The following TENM3 variants were observed in gnomAD, a reference collection of about 807,000 sequenced individuals.
TENM3 encodes the protein teneurin transmembrane protein 3, also known as teneurin-3.
A neutral mutation model predicts 255.1 loss-of-function variants in TENM3; 63 were observed. The ratio of observed to expected loss-of-function variants is 0.25; its 90% CI spans 0.20 to 0.30. TENM3 has a LOEUF of 0.30. Among genes scored for constraint, TENM3 ranks in the 10% least tolerant of loss-of-function variants. TENM3 has a pLI of 1.00. For missense variants in TENM3, 2,929 were observed against 3,461.1 expected, an observed-to-expected ratio of 0.85 and a Z score of 3.86; for synonymous variants, 1,306 against 1,322.3, an observed-to-expected ratio of 0.99 and a Z score of 0.27.
chr4:182,701,814 G>T (rs1320236237), intron 12 of TENM3, among the ~76,000 whole-genome samples: 1 of 152,118 alleles, frequency 6.6e-6, no homozygotes, highest in Non-Finnish European at 1.5e-5. Context: ...AGCCAAGGGT[G>T]GCCTTCCTCC....
chr4:181,732,431 A>AT, the TENM3 span, among the ~76,000 whole-genome samples: 1 of 152,178 alleles, frequency 6.6e-6, no homozygotes, highest in Non-Finnish European at 1.5e-5. Flanking sequence ...CAATGCCATC[A>AT]TTTTTTAAAA....
intron 4 of TENM3, among the ~76,000 whole-genome samples, chr4:182,614,599 G>T (rs1749299036): frequency 6.6e-6 from 1 of 151,696 alleles, no homozygotes; most frequent in Non-Finnish European, 1.5e-5. Context: ...TTTAGTTATA[G>T]CTTTTTTGTC....
chr4:182,254,186 G>T (rs1758223271), intron 1 of TENM3, among the ~76,000 whole-genome samples: 1 of 152,178 alleles, frequency 6.6e-6, no homozygotes, highest in South Asian at 2.1e-4. Context: ...TACATGTGCA[G>T]TGTAAAACAA....
intron 2 of TENM3, among the ~76,000 whole-genome samples, chr4:182,341,025 A>G (rs1457526610): frequency 1.3e-5 from 2 of 152,222 alleles, no homozygotes; most frequent in Non-Finnish European, 2.9e-5. Flanking sequence ...TATGATGAAG[A>G]AAAAGGGAAG....
At chr4:181,746,919 C>T in the TENM3 span, among the ~76,000 whole-genome samples, 1 of 151,982 alleles carries the variant, frequency 6.6e-6, no homozygotes, top group Admixed American at 6.6e-5. Context: ...TATTTTTTCC[C>T]ATTGATGTAC....
At chr4:181,926,251 A>C in the TENM3 span, among the ~76,000 whole-genome samples, 3 of 152,202 alleles carry the variant, frequency 2.0e-5, no homozygotes, top group Non-Finnish European at 2.9e-5. Flanking sequence ...TGAAATATGA[A>C]TGGTCTTTAT....
At chr4:181,707,375 G>A in the TENM3 span, among the ~76,000 whole-genome samples, 12 of 152,302 alleles carry the variant, frequency 7.9e-5, no homozygotes, top group African/African-American at 2.6e-4. Flanking sequence ...AAAGTTCCAC[G>A]TGCTAATATG....
the TENM3 span, among the ~76,000 whole-genome samples, chr4:181,940,007 C>CAGAA: frequency 6.6e-6 from 1 of 152,158 alleles, no homozygotes; most frequent in South Asian, 2.1e-4. Context: ...GGAATTTAAG[C>CAGAA]AGAAATGCAC....
At chr4:182,301,439 CAGGT>C (rs1212278079) in intron 1 of TENM3, among the ~76,000 whole-genome samples, 2 of 152,150 alleles carry the variant, frequency 1.3e-5, no homozygotes, top group African/African-American at 4.8e-5. Flanking sequence ...ACGGTTTTGA[CAGGT>C]AGCGTGATGA....
chr4:181,789,502 C>G, the TENM3 span, among the ~76,000 whole-genome samples: 1 of 152,068 alleles, frequency 6.6e-6, no homozygotes, highest in African/African-American at 2.4e-5. Flanking sequence ...CGTTATCCAC[C>G]CACTTCAGCC....
the TENM3 span, among the ~76,000 whole-genome samples, chr4:182,080,139 T>A: frequency 6.6e-6 from 1 of 152,228 alleles, no homozygotes; most frequent in Non-Finnish European, 1.5e-5. Context: ...AATATGCTGA[T>A]CCTCGATCAC....
chr4:182,360,259 C>A (rs1434375108), intron 3 of TENM3, among the ~76,000 whole-genome samples: 1 of 127,182 alleles, frequency 7.9e-6, no homozygotes, highest in African/African-American at 3.1e-5. Context: ...GAGCTGAGTT[C>A]AATTCCTGGG....
At chr4:182,647,799 C>T (rs1390201923) in intron 5 of TENM3, among the ~76,000 whole-genome samples, 1 of 152,106 alleles carries the variant, frequency 6.6e-6, no homozygotes, top group African/African-American at 2.4e-5. Context: ...GTGGAATCAC[C>T]ATATTGTTTT....
intron 4 of TENM3, among the ~76,000 whole-genome samples, chr4:182,608,492 G>A (rs998098804): frequency 1.3e-5 from 2 of 152,134 alleles, no homozygotes; most frequent in East Asian, 1.9e-4. Flanking sequence ...TTTTCCACGA[G>A]GTGCAAGGTG....
the TENM3 span, among the ~76,000 whole-genome samples, chr4:181,509,687 CT>C: frequency 2.6e-5 from 4 of 152,180 alleles, no homozygotes; most frequent in African/African-American, 4.8e-5. Flanking sequence ...GATTTCAGTT[CT>C]GGTCAAAGCA....
chr4:182,267,994 C>CA (rs1579960432), intron 1 of TENM3, among the ~76,000 whole-genome samples: 2 of 152,140 alleles, frequency 1.3e-5, no homozygotes, highest in African/African-American at 4.8e-5. Flanking sequence ...TCAGAAGAGA[C>CA]AAGAGGGATG....
intron 3 of TENM3, chr4:182,449,228 G>GGCGGCGGCCCC (rs1193893215): frequency 2.0e-5 from 1 of 49,808 alleles, no homozygotes; most frequent in African/African-American, 1.1e-4. Context: ...CGGCGGCGGC[G>GGCGGCGGCCCC]GCTCCGCTCT....
At chr4:182,450,806 A>C (rs1424507142) in intron 3 of TENM3, among the ~76,000 whole-genome samples, 1 of 152,242 alleles carries the variant, frequency 6.6e-6, no homozygotes, top group Non-Finnish European at 1.5e-5. Context: ...GTGCTGTATA[A>C]GAGCGTTACC....
the TENM3 span, among the ~76,000 whole-genome samples, chr4:181,497,517 G>A: frequency 5.3e-5 from 8 of 152,156 alleles, no homozygotes; most frequent in African/African-American, 9.7e-5. Flanking sequence ...CTGCAACCAC[G>A]TGTAATCGAT....
Sources: gnomAD v4.1 joint callset for allele counts (sites outside exome capture counted in the v4.1 genomes callset) on GRCh38, gnomAD v4.1.1 for gene constraint, MANE v1.5 for transcripts, NCBI Gene and HGNC (gene_info 2026-07-23, HGNC 2026-07-21) for gene names.